The following EIF4G2 variants were observed in gnomAD, a reference collection of about 807,000 sequenced individuals.
EIF4G2 encodes eukaryotic translation initiation factor 4 gamma 2.
In EIF4G2, 8 loss-of-function variants were observed where a neutral mutation model predicts 117.7. The ratio of observed to expected loss-of-function variants is 0.07; its 90% CI spans 0.04 to 0.12. EIF4G2 has a LOEUF of 0.12. Among genes scored for constraint, EIF4G2 ranks in the 10% least tolerant of loss-of-function variants. The pLI is 1.00. For synonymous variants in EIF4G2, 413 were observed against 367.8 expected (o/e 1.12, Z -1.41); for missense variants, 812 against 1,086.2 (o/e 0.75, Z 3.55).
In EIF4G2 at chr11:10,802,445, TG is replaced by T. The variant is rs1847448431; in HGVS notation, c.997-11del. 1 of 1,560,696 alleles carries T rather than the reference TG, an allele frequency of 6.4e-7. No individual in the cohort carries two copies. The highest frequency in any genetic ancestry group is 8.6e-7 in the Non-Finnish European group (1 of 1,158,162). On this transcript the variant is annotated splice_polypyrimidine_tract_variant and intron_variant, in intron 11 of 21. Coordinates refer to ENST00000339995, the MANE Select transcript of EIF4G2 (RefSeq NM_001418.4). ...TAAACACCCCTAGATCCTTTAGAAA[TG>T]AAGTGAATATGCACTTTTTGTCTCT...
Position 10,799,436 on chromosome 11 carries a change from G to C in EIF4G2, c.2325-12C>G. On this transcript the variant is annotated splice_polypyrimidine_tract_variant and intron_variant, in intron 19 of 21. Transcript: ENST00000339995. ...TGTACTGTAAGAAGCTGGACAGAAA[G>C]AGGTCTTGTTAGAACCCAACAGTGA... 1.2e-6 allele frequency: 2 copies of C among 1,611,756 alleles called. No homozygotes were observed. Among genetic ancestry groups the C allele is most frequent in the Non-Finnish European group, 1.7e-6 (2 of 1,179,952 alleles).
At position 10,799,714 on chromosome 11, in the gene EIF4G2, C is replaced by T; in HGVS notation, c.2162G>A (p.Gly721Glu). 6.2e-7 allele frequency: 1 copy of T among 1,614,076 alleles called. No homozygotes were observed. The highest frequency in any genetic ancestry group is 8.5e-7 in the Non-Finnish European group (1 of 1,180,004). The change falls in exon 19 of 22, where the codon GGA becomes GAA. Residue 721 changes from glycine (G) to glutamate (E), a missense_variant. Transcript: ENST00000339995. ...TGGGAATAAGAAACTCAGTCCCTTT[C>T]CTTCCAAAATCTCCAACATGCGGTC... is the stretch of plus-strand genomic sequence containing the variant.
rs773249220 is a variant in EIF4G2 at position 10,799,187 on chromosome 11, C to G, written c.2536+26G>C. On this transcript the variant is annotated intron_variant, in intron 20 of 21. Coordinates refer to ENST00000339995, the MANE Select transcript of EIF4G2 (RefSeq NM_001418.4). ...GTTCTGTTTAAGAACTTCCTCACGC[C>G]GTTCTTCTGATACAAGTCCTCTCAC... 5 of 1,612,890 alleles carry G rather than the reference C, an allele frequency of 3.1e-6. No individual in the cohort carries two copies. The African/African-American group carries it at 6.7e-5, about 22-fold the overall frequency.
In EIF4G2 at chr11:10,802,118, A is replaced by G; in HGVS notation, c.1230T>C (p.His410=). The G allele has an allele frequency of 8.1e-7, 1 of 1,233,826 alleles. No individual in the cohort carries two copies. The highest frequency in any genetic ancestry group is 5.0e-5 in the East Asian group (1 of 19,994). 76.4% of individuals were successfully genotyped at this position (1,233,826 alleles called of 1,614,324 possible). The change falls in exon 13 of 22, where the codon CAT becomes CAC. Residue 410 remains histidine (H), a synonymous_variant. Coordinates refer to ENST00000339995, the MANE Select transcript of EIF4G2 (RefSeq NM_001418.4). Reference sequence around the variant, plus strand: ...GTGTGGGAGGCATGATGTGTCCCCCATGGCCATTGAAGAGTTGATTTGAAC... The same window carrying G: ...GTGTGGGAGGCATGATGTGTCCCCCGTGGCCATTGAAGAGTTGATTTGAAC...
intron 1 of EIF4G2, chr11:10,807,674 CAATAG>C: frequency 2.0e-6 from 2 of 1,015,036 alleles, no homozygotes; most frequent in Non-Finnish European, 2.4e-6. Context: ...GCACTGAGAT[CAATAG>C]AAAAGTCTAA....
At chr11:10,798,896 T>C (rs1377065389) in intron 21 of EIF4G2, 96 bp downstream of exon 21, 4 of 1,430,668 alleles carry the variant, frequency 2.8e-6, no homozygotes, top group African/African-American at 2.9e-5. Flanking sequence ...TAACTAGGAC[T>C]ACCTTGCCTG....
At chr11:10,802,816 G>C (rs561317557) in intron 11 of EIF4G2, among the ~76,000 whole-genome samples, 1 of 152,184 alleles carries the variant, frequency 6.6e-6, no homozygotes. Flanking sequence ...GCAGTGAATC[G>C]AGAATGCGCC....
At chr11:10,807,226 A>G in intron 2 of EIF4G2, 29 bp downstream of exon 2, 1 of 1,594,822 alleles carries the variant, frequency 6.3e-7, no homozygotes, top group Non-Finnish European at 8.5e-7. Context: ...CCTTTTCAAA[A>G]GGATTCCCCA....
At chr11:10,807,957 A>G in intron 1 of EIF4G2, 1 of 1,023,110 alleles carries the variant, frequency 9.8e-7, no homozygotes. Flanking sequence ...GGAACAAAAG[A>G]GCGGAGCATT....
Position 10,797,563 on chromosome 11 carries a change from T to G in EIF4G2, c.*253A>C. 2.2e-6 allele frequency: 1 copy of G among 447,604 alleles called. No individual in the cohort carries two copies. The highest frequency in any genetic ancestry group is 4.0e-5 in the East Asian group (1 of 24,858). 27.7% of individuals were successfully genotyped at this position (447,604 alleles called of 1,614,324 possible). On this transcript the variant is annotated 3_prime_UTR_variant, in exon 22 of 22. Coordinates refer to ENST00000339995, the MANE Select transcript of EIF4G2 (RefSeq NM_001418.4). This position sits in a 1 kb window ranked among gnomAD's most constrained non-coding sequence, Gnocchi z 4.5. Reference sequence around the variant, plus strand: ...TAGACTGCCTCTGCTTGAGAACTTATGATGTAATTATTGCATGCTGCTAAT... The same window carrying G: ...TAGACTGCCTCTGCTTGAGAACTTAGGATGTAATTATTGCATGCTGCTAAT...
intron 13 of EIF4G2, 94 bp from the exon 14 acceptor site, chr11:10,801,868 AGTTT>A: frequency 7.9e-7 from 1 of 1,266,452 alleles, no homozygotes. Flanking sequence ...CCATAAAGTT[AGTTT>A]AACTGAATTT....
At chr11:10,802,766 C>A (rs1178248589) in intron 11 of EIF4G2, among the ~76,000 whole-genome samples, 1 of 152,142 alleles carries the variant, frequency 6.6e-6, no homozygotes, top group Non-Finnish European at 1.5e-5. Flanking sequence ...ACTGGGGAGG[C>A]TGAAGCAGGA....
chr11:10,804,735 C>CA, intron 5 of EIF4G2, 178 bp downstream of exon 5: 1 of 619,340 alleles, frequency 1.6e-6, no homozygotes, highest in Non-Finnish European at 2.8e-6. Flanking sequence ...TTTACCTCTT[C>CA]AATCTAATGC....
chr11:10,808,497 G>T, intron 1 of EIF4G2: 1 of 1,242,358 alleles, frequency 8.0e-7, no homozygotes, highest in Non-Finnish European at 1.0e-6. Flanking sequence ...GGCCAACACT[G>T]ACGTTTTCCT....
intron 19 of EIF4G2, 23 bp downstream of exon 19, chr11:10,799,529 A>G (rs1847360463): frequency 2.5e-6 from 4 of 1,611,418 alleles, no homozygotes; most frequent in Non-Finnish European, 3.4e-6. Context: ...ACATTACCAT[A>G]TGCAGAAAAC....
In EIF4G2 at chr11:10,803,422, T is replaced by G; in HGVS notation, c.813+58A>C. 3 of 1,577,874 alleles carry G rather than the reference T, an allele frequency of 1.9e-6. No homozygotes were observed. The highest frequency in any genetic ancestry group is 2.6e-6 in the Non-Finnish European group (3 of 1,148,870). On this transcript the variant is annotated intron_variant, in intron 9 of 21. Transcript: ENST00000339995. The surrounding 1 kb of genome is among the most constrained non-coding windows in gnomAD (Gnocchi z 4.0). ...GCAATCCCTTATGATGTCACAAAAA[T>G]CAATAGCTTGATTTAAAGACAAACT...
Position 10,799,083 on chromosome 11 carries a change from T to C in EIF4G2, c.2567A>G (p.Tyr856Cys). 6.3e-7 allele frequency: 1 copy of C among 1,576,096 alleles called. No individual in the cohort carries two copies. The highest frequency in any genetic ancestry group is 8.6e-7 in the Non-Finnish European group (1 of 1,168,264). ...TTCTTCTTCAATAATTTCCATGTCA[T>C]AGAAGTGCACAAAAAAGCGAAGTAA... is the stretch of plus-strand genomic sequence containing the variant. Residue 856 changes from tyrosine (Y) to cysteine (C), a missense_variant, in exon 21 of 22, where the codon TAT (tyrosine) becomes TGT (cysteine). Tyr to Cys is a radical substitution (Grantham distance 194). Coordinates refer to ENST00000339995, the MANE Select transcript of EIF4G2 (RefSeq NM_001418.4).
intron 14 of EIF4G2, 128 bp from the exon 15 acceptor site, chr11:10,801,215 A>G (rs1847407327): frequency 7.4e-7 from 1 of 1,351,188 alleles, no homozygotes; most frequent in African/African-American, 1.5e-5. Flanking sequence ...AAAACTAAAG[A>G]AGGTACTCCA....
intron 4 of EIF4G2, among the ~76,000 whole-genome samples, 175 bp downstream of exon 4, chr11:10,805,732 C>T (rs1211486804): frequency 6.6e-6 from 1 of 152,006 alleles, no homozygotes; most frequent in South Asian, 2.1e-4. Context: ...GGATTACAGG[C>T]GTGAGCCACA....
Sources: allele counts gnomAD v4.1 joint callset (sites outside exome capture counted in the v4.1 genomes callset), GRCh38; gene constraint gnomAD v4.1.1; non-coding constraint Gnocchi (gnomAD v3.1); transcripts MANE v1.5; gene names NCBI Gene and HGNC (gene_info 2026-07-23, HGNC 2026-07-21).